The following DLG1 variants were observed in gnomAD, a reference collection of about 807,000 sequenced individuals.
DLG1 encodes discs large MAGUK scaffold protein 1.
Under a neutral mutation model 123.4 loss-of-function variants are expected in DLG1, and 42 were observed. That is an observed-to-expected ratio of 0.34 (90% CI 0.27 to 0.44). DLG1 has a LOEUF of 0.44. Among genes scored for constraint, DLG1 ranks in the 20% least tolerant of loss-of-function variants. The probability of loss-of-function intolerance (pLI) is 1.00; values close to 1 mark genes in which losing one functional copy is unlikely to be tolerated. For synonymous variants in DLG1, 317 were observed against 356.2 expected (o/e 0.89, Z 1.24); for missense variants, 942 against 1,082.6 (o/e 0.87, Z 1.82).
chr3:197,216,244 T>A (rs997230141), intron 4 of DLG1, among the ~76,000 whole-genome samples: 5 of 152,232 alleles, frequency 3.3e-5, no homozygotes, highest in African/African-American at 1.2e-4. Flanking sequence ...ACTTGGTAAG[T>A]CTCTCCTTTT....
intron 4 of DLG1, among the ~76,000 whole-genome samples, chr3:197,268,798 TTTTC>T (rs1361573705): frequency 3.9e-5 from 6 of 151,982 alleles, no homozygotes; most frequent in East Asian, 1.9e-4. Context: ...GTACAAAATT[TTTTC>T]TTTCTTTATA....
At chr3:197,158,184 G>C (rs1561115629) in intron 5 of DLG1, among the ~76,000 whole-genome samples, 1 of 152,162 alleles carries the variant, frequency 6.6e-6, no homozygotes, top group Non-Finnish European at 1.5e-5. Flanking sequence ...CACATGAACA[G>C]ATGTGTCACA....
At chr3:197,239,733 C>T (rs1167644391) in intron 4 of DLG1, among the ~76,000 whole-genome samples, 1 of 151,566 alleles carries the variant, frequency 6.6e-6, no homozygotes, top group Non-Finnish European at 1.5e-5. Flanking sequence ...AGCAAGCTGG[C>T]TTCACTCCTC....
chr3:197,172,179 T>C (rs1237632402), intron 5 of DLG1, among the ~76,000 whole-genome samples: 1 of 152,198 alleles, frequency 6.6e-6, no homozygotes, highest in East Asian at 1.9e-4. Flanking sequence ...AGTGATGTCA[T>C]AGCCATTGTA....
chr3:197,261,288 T>C (rs982414101), intron 4 of DLG1, among the ~76,000 whole-genome samples: 3 of 152,192 alleles, frequency 2.0e-5, no homozygotes, highest in African/African-American at 7.2e-5. Flanking sequence ...AATGCCATAG[T>C]GAAGTTAGCT....
intron 4 of DLG1, among the ~76,000 whole-genome samples, chr3:197,279,655 CAGG>C (rs1349127217): frequency 5.3e-5 from 8 of 152,226 alleles, no homozygotes; most frequent in Non-Finnish European, 1.0e-4. Context: ...ATATATCTTT[CAGG>C]AGGTGTAGAA....
At chr3:197,232,517 A>T (rs7612762) in intron 4 of DLG1, among the ~76,000 whole-genome samples, 21,759 of 152,136 alleles carry the variant, frequency 0.14, 2,184 homozygotes, top group African/African-American at 0.28. Context: ...TAAAAAATAA[A>T]TTCATGGAGG....
chr3:197,127,251 C>T (rs1035634118), intron 11 of DLG1, among the ~76,000 whole-genome samples: 12 of 150,244 alleles, frequency 8.0e-5, no homozygotes, highest in South Asian at 6.3e-4. Context: ...GGCGAAACCC[C>T]GTCTCTACTA....
chr3:197,061,640 G>A (rs1735916916), intron 22 of DLG1, among the ~76,000 whole-genome samples: 1 of 152,094 alleles, frequency 6.6e-6, no homozygotes, highest in South Asian at 2.1e-4. Flanking sequence ...TTATATCATA[G>A]AATATGCCTC....
At chr3:197,262,399 T>C (rs1195422286) in intron 4 of DLG1, among the ~76,000 whole-genome samples, 1 of 152,238 alleles carries the variant, frequency 6.6e-6, no homozygotes, top group Non-Finnish European at 1.5e-5. Flanking sequence ...CCTTGCCCTA[T>C]GTATCTCTTT....
intron 5 of DLG1, among the ~76,000 whole-genome samples, chr3:197,159,994 T>C (rs1798145001): frequency 6.6e-6 from 1 of 152,184 alleles, no homozygotes; most frequent in South Asian, 2.1e-4. Context: ...TCTCCATCAC[T>C]GTAAAGCGCC....
At chr3:197,280,142 C>T (rs1211025047) in intron 4 of DLG1, among the ~76,000 whole-genome samples, 1 of 152,072 alleles carries the variant, frequency 6.6e-6, no homozygotes, top group Admixed American at 6.6e-5. Context: ...TTTCCCTCTC[C>T]CACCCTTCCC....
intron 20 of DLG1, among the ~76,000 whole-genome samples, chr3:197,066,499 T>G (rs951623784): frequency 6.6e-6 from 1 of 152,028 alleles, no homozygotes; most frequent in Non-Finnish European, 1.5e-5. Flanking sequence ...AAAACACAAA[T>G]ATAAAAGTCA....
intron 4 of DLG1, among the ~76,000 whole-genome samples, chr3:197,210,802 G>C (rs1730917368): frequency 6.9e-6 from 1 of 144,714 alleles, no homozygotes. Flanking sequence ...AATAAATAGA[G>C]TGAACATCTC....
chr3:197,255,212 A>G (rs1277675873), intron 4 of DLG1, among the ~76,000 whole-genome samples: 2 of 152,156 alleles, frequency 1.3e-5, no homozygotes, highest in Non-Finnish European at 2.9e-5. Flanking sequence ...CACAGCAAAG[A>G]CTACTAGACA....
At chr3:197,296,939 T>C (rs1194226281) in intron 2 of DLG1, 3 of 502,504 alleles carry the variant, frequency 6.0e-6, no homozygotes, top group African/African-American at 4.2e-5. Flanking sequence ...TTCAGGGTTA[T>C]TAAGGACATC....
chr3:197,088,555 G>C (rs999322121), intron 15 of DLG1, among the ~76,000 whole-genome samples: 1 of 152,144 alleles, frequency 6.6e-6, no homozygotes, highest in African/African-American at 2.4e-5. Context: ...AGAAAATGTG[G>C]CATCTAGGAA....
chr3:197,134,067 T>A (rs1783938499), intron 10 of DLG1, among the ~76,000 whole-genome samples: 1 of 152,088 alleles, frequency 6.6e-6, no homozygotes, highest in South Asian at 2.1e-4. Context: ...AAAGTAAAAC[T>A]GAGAAAACTA....
chr3:197,288,362 CAAA>C (rs1290725400), intron 3 of DLG1, among the ~76,000 whole-genome samples: 2 of 45,566 alleles, frequency 4.4e-5, no homozygotes, highest in East Asian at 5.6e-4. Context: ...GACTCCGTCT[CAAA>C]AAAAAAAAAA....
Sources: allele counts gnomAD v4.1 joint callset (sites outside exome capture counted in the v4.1 genomes callset), GRCh38; gene constraint gnomAD v4.1.1; transcripts MANE v1.5; gene names NCBI Gene and HGNC (gene_info 2026-07-23, HGNC 2026-07-21).